Variants in CCDC73 observed in about 807,000 individuals in gnomAD.
CCDC73 encodes the protein coiled-coil domain-containing protein 73.
A neutral mutation model predicts 116.5 loss-of-function variants in CCDC73; 95 were observed. The observed-to-expected ratio is 0.82, with a 90% CI of 0.69 to 0.97. CCDC73 has a LOEUF of 0.97. Ranked by LOEUF, CCDC73 falls within the 50% of genes least tolerant of loss-of-function variation. The pLI is 0.00. For synonymous variants in CCDC73, 398 were observed against 401.3 expected, an observed-to-expected ratio of 0.99 and a Z score of 0.10; for missense variants, 1,066 against 1,206.8, an observed-to-expected ratio of 0.88 and a Z score of 1.73.
At chr11:32,782,932 A>T (rs1241691900) in intron 1 of CCDC73, among the ~76,000 whole-genome samples, 5 of 152,156 alleles carry the variant, frequency 3.3e-5, no homozygotes, top group Non-Finnish European at 5.9e-5. Flanking sequence ...AGATTAGAAA[A>T]TTAGAGGATT....
intron 2 of CCDC73, among the ~76,000 whole-genome samples, chr11:32,744,562 A>G (rs955166710): frequency 1.4e-4 from 21 of 152,176 alleles, no homozygotes; most frequent in Non-Finnish European, 1.6e-4. Context: ...TTGGTAGTCC[A>G]TTAATTATTG....
chr11:32,707,742 T>C (rs1299396669), intron 3 of CCDC73, among the ~76,000 whole-genome samples: 3 of 152,124 alleles, frequency 2.0e-5, no homozygotes, highest in Non-Finnish European at 4.4e-5. Context: ...GGTAAATGTA[T>C]CACTCCTGAT....
the CCDC73 span, chr11:32,830,365 C>A: frequency 1.2e-6 from 1 of 838,036 alleles, no homozygotes; most frequent in Middle Eastern, 3.9e-4. Flanking sequence ...GGGCGCGCGT[C>A]GGGTTCCGGC....
At chr11:32,609,946 A>ATTTT (rs34935006) in intron 17 of CCDC73, among the ~76,000 whole-genome samples, 2 of 138,590 alleles carry the variant, frequency 1.4e-5, no homozygotes, top group East Asian at 2.1e-4. Flanking sequence ...AGCCCAGCTA[A>ATTTT]TTTTTTTTTT....
chr11:32,614,693 T>A lies in CCDC73; in HGVS notation c.1625A>T (p.Asp542Val). 6.2e-7 allele frequency: 1 copy of A among 1,612,638 alleles called. No individual in the cohort carries two copies. Reference protein sequence around the residue: ...KSPNNHFVVLDTAIETEKIHL... With the variant: ...KSPNNHFVVLVTAIETEKIHL... ...TATTTTTTCTGTTTCTATTGCTGTA[T>A]CTAACACTACAAAATGATTATTTGG... Residue 542 changes from aspartate (D) to valine (V), a missense_variant, in exon 16 of 18, where the codon GAT becomes GTT. Physicochemically the swap from Asp to Val is radical, Grantham distance 152. Transcript: ENST00000335185.
chr11:32,695,555 T>C (rs1856302762), intron 6 of CCDC73, among the ~76,000 whole-genome samples: 1 of 152,110 alleles, frequency 6.6e-6, no homozygotes, highest in African/African-American at 2.4e-5. Context: ...ACGTTAGCAT[T>C]TTCCATTTCT....
chr11:32,624,927 A>G (rs1855556305), intron 14 of CCDC73, among the ~76,000 whole-genome samples: 1 of 152,248 alleles, frequency 6.6e-6, no homozygotes, highest in Non-Finnish European at 1.5e-5. Flanking sequence ...AAACTGTCAC[A>G]AGGACAGAAA....
chr11:32,695,437 A>G (rs1450001071), intron 6 of CCDC73, among the ~76,000 whole-genome samples: 1 of 151,694 alleles, frequency 6.6e-6, no homozygotes, highest in Non-Finnish European at 1.5e-5. Flanking sequence ...GGCAAGTTGC[A>G]TAGCTGGAAA....
intron 12 of CCDC73, among the ~76,000 whole-genome samples, chr11:32,643,709 G>T (rs930265791): frequency 6.6e-6 from 1 of 152,218 alleles, no homozygotes; most frequent in African/African-American, 2.4e-5. Flanking sequence ...TACCATGAAC[G>T]TTGCTCTGGG....
At chr11:32,772,736 A>T (rs760740579) in intron 1 of CCDC73, among the ~76,000 whole-genome samples, 3 of 152,216 alleles carry the variant, frequency 2.0e-5, no homozygotes, top group Admixed American at 6.5e-5. Flanking sequence ...GGTGTTAGTT[A>T]TTCTATTATT....
rs1850216791 is a variant in CCDC73, at chr11:32,744,459, A to G, written c.135+15650T>C. 2.0e-5 allele frequency among the ~76,000 whole-genome samples: 3 copies of G among 152,240 alleles called. No individual in the cohort carries two copies. The South Asian group carries it at 6.2e-4, about 32-fold the overall frequency. Reference sequence around the variant, plus strand: ...GGGAGGATTCCTTCTTTTTCTATTGATCGGAATAGTTTCAGAAGGAATGGT... The same window carrying G: ...GGGAGGATTCCTTCTTTTTCTATTGGTCGGAATAGTTTCAGAAGGAATGGT... On this transcript the variant is annotated intron_variant, in intron 2 of 17. Transcript: ENST00000335185.
At chr11:32,817,508 A>G in the CCDC73 span, among the ~76,000 whole-genome samples, 1 of 152,196 alleles carries the variant, frequency 6.6e-6, no homozygotes, top group African/African-American at 2.4e-5. Flanking sequence ...ACCAGGTATC[A>G]TCCACTAAAT....
At chr11:32,793,269 C>A (rs1423295864) in intron 1 of CCDC73, among the ~76,000 whole-genome samples, 2 of 152,096 alleles carry the variant, frequency 1.3e-5, no homozygotes, top group African/African-American at 4.8e-5. Context: ...TCAAATTGGC[C>A]GAAGAAATGG....
chr11:32,740,801 A>G (rs2133356423), intron 2 of CCDC73, among the ~76,000 whole-genome samples: 1 of 151,686 alleles, frequency 6.6e-6, no homozygotes, highest in South Asian at 2.1e-4. Flanking sequence ...TTTTTGATGT[A>G]GACACTTACA....
At chr11:32,794,846 TTTTG>T (rs1184477784), upstream of CCDC73, among the ~76,000 whole-genome samples, 5 of 148,594 alleles carry the variant, frequency 3.4e-5, no homozygotes, top group East Asian at 2.1e-4. Flanking sequence ...TCTTTTTTGT[TTTTG>T]TTTGTTTTCG....
At chr11:32,729,810 T>C (rs566490529) in intron 2 of CCDC73, among the ~76,000 whole-genome samples, 97 of 152,288 alleles carry the variant, frequency 6.4e-4, no homozygotes, top group Non-Finnish European at 1.1e-3. Flanking sequence ...CTTTCAACAG[T>C]GAAAAAATCT....
intron 14 of CCDC73, among the ~76,000 whole-genome samples, chr11:32,618,992 CTGTT>C (rs1675697919): frequency 6.6e-6 from 1 of 152,082 alleles, no homozygotes; most frequent in Middle Eastern, 3.2e-3. Flanking sequence ...TGAGAGGTGT[CTGTT>C]CATGTCTTTT....
chr11:32,740,944 A>G (rs906206155), intron 2 of CCDC73, among the ~76,000 whole-genome samples: 3 of 152,138 alleles, frequency 2.0e-5, no homozygotes, highest in Non-Finnish European at 2.9e-5. Flanking sequence ...CTGATCATTC[A>G]GGAGCATACT....
intron 12 of CCDC73, among the ~76,000 whole-genome samples, chr11:32,648,131 T>C (rs1215106905): frequency 3.9e-5 from 6 of 152,234 alleles, no homozygotes; most frequent in Admixed American, 6.5e-5. Flanking sequence ...TGGCTTCTTA[T>C]ATAGATTTAG....
Sources: gnomAD v4.1 joint callset for allele counts (sites outside exome capture counted in the v4.1 genomes callset) on GRCh38, gnomAD v4.1.1 for gene constraint, MANE v1.5 for transcripts, NCBI Gene and HGNC (gene_info 2026-07-23, HGNC 2026-07-21) for gene names.